The following NEURL1 variants were observed in gnomAD, a reference collection of about 807,000 sequenced individuals.
NEURL1 encodes neuralized E3 ubiquitin protein ligase 1.
In NEURL1, 26 loss-of-function variants were observed where a neutral mutation model predicts 41.2. That is an observed-to-expected ratio of 0.63 (90% CI 0.46 to 0.87). NEURL1 has a LOEUF of 0.87. NEURL1 is among the 40% of genes least tolerant of loss of function. The pLI is 0.00. For missense variants in NEURL1, 761 were observed against 871.1 expected, an observed-to-expected ratio of 0.87 and a Z score of 1.59; for synonymous variants, 400 against 402.3, an observed-to-expected ratio of 0.99 and a Z score of 0.07.
chr10:103,589,153 A>G (rs1402475291), intron 4 of NEURL1, among the ~76,000 whole-genome samples: 3 of 152,134 alleles, frequency 2.0e-5, no homozygotes, highest in African/African-American at 7.2e-5. Context: ...GGTAATATAC[A>G]TGCTCCGGCC....
intron 1 of NEURL1, among the ~76,000 whole-genome samples, chr10:103,497,863 A>G (rs1399529324): frequency 1.3e-5 from 2 of 152,138 alleles, no homozygotes; most frequent in African/African-American, 4.8e-5. Flanking sequence ...GCTTGGTTGT[A>G]CTGTCGAAAC....
chr10:103,551,553 C>T (rs1306751393), intron 1 of NEURL1, among the ~76,000 whole-genome samples: 1 of 152,178 alleles, frequency 6.6e-6, no homozygotes, highest in Non-Finnish European at 1.5e-5. Context: ...ATCCACCCGT[C>T]TCAGCCTCCC....
chr10:103,570,723 A>C, intron 1 of NEURL1, 149 bp from the exon 2 acceptor site: 1 of 1,309,874 alleles, frequency 7.6e-7, no homozygotes, highest in South Asian at 1.4e-5. Flanking sequence ...TGGTGGCAGA[A>C]GGATGGTGGC....
intron 1 of NEURL1, among the ~76,000 whole-genome samples, chr10:103,499,999 TG>T: frequency 6.6e-6 from 1 of 152,312 alleles, no homozygotes; most frequent in East Asian, 1.9e-4. Flanking sequence ...AGCTCTTGTC[TG>T]GGCTCCTTCC....
In NEURL1 at chr10:103,590,338, TCA is replaced by T; in HGVS notation, c.1692_1693del (p.Lys565GlyfsTer126). ...TGCTGCCCCATCTGCCGCCGCCCCA[TCA>T]AGGACATCATCAAGACCTACCGCAG... On this transcript the variant is annotated frameshift_variant, in exon 6 of 6. Coordinates refer to ENST00000369780, the MANE Select transcript of NEURL1 (RefSeq NM_004210.5). LOFTEE classifies it high-confidence loss of function. 6.2e-7 allele frequency: 1 copy of T among 1,614,070 alleles called. No homozygotes were observed. Among genetic ancestry groups the T allele is most frequent in the Non-Finnish European group, 8.5e-7 (1 of 1,180,016 alleles).
intron 1 of NEURL1, among the ~76,000 whole-genome samples, chr10:103,559,923 A>C (rs1035263043): frequency 6.6e-6 from 1 of 151,728 alleles, no homozygotes; most frequent in Non-Finnish European, 1.5e-5. Context: ...ACACATGCAC[A>C]CACATATTAC....
At chr10:103,497,975 G>C (rs2033726248) in intron 1 of NEURL1, among the ~76,000 whole-genome samples, 1 of 152,178 alleles carries the variant, frequency 6.6e-6, no homozygotes, top group Non-Finnish European at 1.5e-5. Context: ...GGATGCAGCA[G>C]AGTCCTAGGG....
intron 1 of NEURL1, among the ~76,000 whole-genome samples, chr10:103,523,090 CAT>C (rs889055010): frequency 2.1e-4 from 32 of 152,170 alleles, no homozygotes; most frequent in African/African-American, 7.2e-4. Context: ...GGGTAATTAA[CAT>C]GTGTATCAAC....
Position 103,494,465 on chromosome 10 carries a change from C to T in NEURL1, c.78C>T (p.Asn26=). ...PSRAPRGHPQ[N]LKDSIGGPFP... ...GCGCGCCGCGGGGCCACCCCCAGAACCTCAAAGGTAGGCTCCCCGGCCGAG... is the reference window on the plus strand; with the variant it reads ...GCGCGCCGCGGGGCCACCCCCAGAATCTCAAAGGTAGGCTCCCCGGCCGAG... Residue 26 remains asparagine, a synonymous_variant, in exon 1 of 6, where the codon AAC becomes AAT. Transcript: ENST00000369780. 7.6e-6 allele frequency: 12 copies of T among 1,581,778 alleles called. No individual in the cohort carries two copies. Among genetic ancestry groups the T allele is most frequent in the Non-Finnish European group, 1.0e-5 (12 of 1,164,302 alleles).
intron 1 of NEURL1, among the ~76,000 whole-genome samples, chr10:103,567,398 T>G (rs28615779): frequency 6.6e-6 from 1 of 152,144 alleles, no homozygotes; most frequent in Non-Finnish European, 1.5e-5. Context: ...TGCCTTTTAA[T>G]TTTTTTGAGA....
intron 1 of NEURL1, among the ~76,000 whole-genome samples, chr10:103,499,082 G>C (rs1021256591): frequency 1.3e-5 from 2 of 152,218 alleles, no homozygotes; most frequent in Non-Finnish European, 2.9e-5. Flanking sequence ...TTCAAAAGGT[G>C]GTGCTTCTTG....
chr10:103,520,610 T>A (rs1273516335), intron 1 of NEURL1, among the ~76,000 whole-genome samples: 1 of 152,212 alleles, frequency 6.6e-6, no homozygotes, highest in African/African-American at 2.4e-5. Context: ...ACAGGGGATA[T>A]GATGGCTTGG....
intron 1 of NEURL1, among the ~76,000 whole-genome samples, chr10:103,503,959 T>TTTTATTTATTTATTTA (rs56135179): frequency 2.2e-5 from 3 of 136,042 alleles, no homozygotes; most frequent in Non-Finnish European, 4.8e-5. Flanking sequence ...CTGGCTAGTA[T>TTTTATTTATTTATTTA]TTTATTTATT....
At chr10:103,536,111 C>T (rs565444838) in intron 1 of NEURL1, among the ~76,000 whole-genome samples, 1 of 152,190 alleles carries the variant, frequency 6.6e-6, no homozygotes. Flanking sequence ...TCTTGCTTAC[C>T]TCCTGGTTTC....
intron 1 of NEURL1, among the ~76,000 whole-genome samples, chr10:103,498,586 C>T (rs565188298): frequency 6.6e-6 from 1 of 152,132 alleles, no homozygotes; most frequent in Non-Finnish European, 1.5e-5. Context: ...ATGTATAATT[C>T]AGTGGCATTT....
intron 1 of NEURL1, among the ~76,000 whole-genome samples, chr10:103,525,759 C>T (rs1809022263): frequency 6.6e-6 from 1 of 152,130 alleles, no homozygotes; most frequent in Non-Finnish European, 1.5e-5. Flanking sequence ...CTTAATTGCT[C>T]TGGCTAGTAC....
intron 1 of NEURL1, among the ~76,000 whole-genome samples, chr10:103,533,799 G>A (rs556142488): frequency 6.6e-6 from 1 of 152,216 alleles, no homozygotes; most frequent in East Asian, 1.9e-4. Context: ...GCCTCCCAAA[G>A]TGCTGGGATT....
In NEURL1 at chr10:103,584,798, C is replaced by A. The variant is rs2035868812; in HGVS notation, c.912C>A (p.His304Gln). The A allele has an allele frequency of 7.0e-7, 1 of 1,431,514 alleles. No individual in the cohort carries two copies. The highest frequency in any genetic ancestry group is 9.1e-7 in the Non-Finnish European group (1 of 1,098,812). 88.7% of individuals were successfully genotyped at this position (1,431,514 alleles called of 1,614,324 possible). Residue 304 changes from histidine (H) to glutamine (Q), a missense_variant, in exon 4 of 6, where the codon CAC becomes CAA. By Grantham distance (24) the His-to-Gln change is conservative (BLOSUM62 0). Transcript: ENST00000369780. ...TCCACGCCCTGCGCGCCGGCGCGCA[C>A]GTCCGCATCCTCGACGAGCAGACGG... ...LRFHALRAGA[H>Q]VRILDEQTVA...
chr10:103,564,102 A>G lies in NEURL1; in HGVS notation c.86-6770A>G, dbSNP rs11191728. On this transcript the variant is annotated intron_variant, in intron 1 of 5. Coordinates refer to ENST00000369780, the MANE Select transcript of NEURL1 (RefSeq NM_004210.5). Reference sequence around the variant, plus strand: ...GCAGAGCTTGGTGGGGGCCATGGGGAGGTCACTCCGGAGGGTATGTGTGTC... The same window carrying G: ...GCAGAGCTTGGTGGGGGCCATGGGGGGGTCACTCCGGAGGGTATGTGTGTC... Among the ~76,000 whole-genome samples, 1,010 of 152,028 alleles carry G rather than the reference A, an allele frequency of 6.6e-3. 32 individuals are homozygous for G. In the East Asian group the frequency reaches 0.11, roughly 16 times the overall value.
Sources: allele counts gnomAD v4.1 joint callset (sites outside exome capture counted in the v4.1 genomes callset), GRCh38; gene constraint gnomAD v4.1.1; transcripts MANE v1.5; gene names NCBI Gene and HGNC (gene_info 2026-07-23, HGNC 2026-07-21).